Variants in RBFOX2 observed in about 807,000 individuals in gnomAD.
RBFOX2 encodes the protein RNA binding fox-1 homolog 2.
Under a neutral mutation model 49.1 loss-of-function variants are expected in RBFOX2, and 10 were observed. The observed-to-expected ratio is 0.20, with a 90% CI of 0.13 to 0.35. The LOEUF is 0.35. Among genes scored for constraint, RBFOX2 ranks in the 10% least tolerant of loss-of-function variants. The pLI, the probability that RBFOX2 is intolerant of heterozygous loss-of-function variation, is 1.00. For synonymous variants in RBFOX2, 183 were observed against 187.4 expected, an observed-to-expected ratio of 0.98 and a Z score of 0.19; for missense variants, 323 against 486.9, an observed-to-expected ratio of 0.66 and a Z score of 3.17.
chr22:35,753,531 C>A (rs1405066047), intron 9 of RBFOX2, among the ~76,000 whole-genome samples: 1 of 151,556 alleles, frequency 6.6e-6, no homozygotes, highest in Non-Finnish European at 1.5e-5. Context: ...CTATTAATTA[C>A]TTTCATTAAC....
intron 1 of RBFOX2, among the ~76,000 whole-genome samples, chr22:35,869,469 CAAAAAAAAAAAAAAAAAAAAAAAAAA>C (rs35854576): frequency 0.017 from 529 of 30,588 alleles, 5 homozygotes; most frequent in Middle Eastern, 0.065. Flanking sequence ...AACGGCTGAC[CAAAAAAAAAAAAAAAAAAAAAAAAAA>C]AAAAAAAAAA....
At chr22:35,984,156 T>A (rs1023486737) in intron 1 of RBFOX2, among the ~76,000 whole-genome samples, 1 of 152,186 alleles carries the variant, frequency 6.6e-6, no homozygotes, top group Non-Finnish European at 1.5e-5. Flanking sequence ...CCAATGGTTC[T>A]CAACCTTACT....
At chr22:35,860,789 G>A (rs567984794) in intron 1 of RBFOX2, among the ~76,000 whole-genome samples, 2 of 152,294 alleles carry the variant, frequency 1.3e-5, no homozygotes, top group Non-Finnish European at 1.5e-5. Context: ...ATTAACATCC[G>A]AGAGAATTGA....
intron 2 of RBFOX2, among the ~76,000 whole-genome samples, chr22:35,800,702 T>A (rs537921273): frequency 6.6e-6 from 1 of 152,156 alleles, no homozygotes; most frequent in Non-Finnish European, 1.5e-5. Flanking sequence ...TACCTAGTTT[T>A]TTTTTTTTCC....
At chr22:35,859,129 A>G (rs1392328192) in intron 1 of RBFOX2, among the ~76,000 whole-genome samples, 1 of 152,216 alleles carries the variant, frequency 6.6e-6, no homozygotes, top group East Asian at 1.9e-4. Flanking sequence ...GCTTATTCCA[A>G]TATGGCTTGG....
chr22:35,744,978 A>C (rs1042572155), intron 11 of RBFOX2, among the ~76,000 whole-genome samples: 1 of 152,130 alleles, frequency 6.6e-6, no homozygotes, highest in Admixed American at 6.5e-5. Flanking sequence ...ACGAAATACA[A>C]CCTCAGGCAC....
chr22:35,963,861 T>G (rs2056405257), upstream of RBFOX2, among the ~76,000 whole-genome samples: 9 of 152,280 alleles, frequency 5.9e-5, no homozygotes, highest in South Asian at 1.9e-3. Context: ...TTCTCCTGCC[T>G]CAGCCTCCTG....
chr22:35,839,487 G>T (rs1212240099), intron 1 of RBFOX2, among the ~76,000 whole-genome samples: 1 of 152,034 alleles, frequency 6.6e-6, no homozygotes, highest in African/African-American at 2.4e-5. Flanking sequence ...AAACGAGAGG[G>T]GAGACAGAGG....
intron 1 of RBFOX2, among the ~76,000 whole-genome samples, chr22:36,020,731 A>G (rs2059212891): frequency 6.6e-6 from 1 of 152,254 alleles, no homozygotes; most frequent in South Asian, 2.1e-4. Context: ...GCGATCATTA[A>G]AAAGTCAGGA....
intron 1 of RBFOX2, among the ~76,000 whole-genome samples, chr22:35,924,352 A>G (rs1262931780): frequency 6.6e-6 from 1 of 152,246 alleles, no homozygotes; most frequent in African/African-American, 2.4e-5. Flanking sequence ...CAGGCTAAAG[A>G]CACACTAAGG....
intron 9 of RBFOX2, among the ~76,000 whole-genome samples, chr22:35,750,108 C>G (rs947878313): frequency 6.6e-5 from 10 of 152,078 alleles, no homozygotes; most frequent in African/African-American, 2.4e-4. Flanking sequence ...CCCTCCCCAG[C>G]CCAAAGAAAT....
chr22:35,986,067 A>G (rs2057709307), intron 1 of RBFOX2, among the ~76,000 whole-genome samples: 2 of 152,208 alleles, frequency 1.3e-5, no homozygotes, highest in African/African-American at 4.8e-5. Flanking sequence ...AGATTATAAA[A>G]GCAGCCAGTC....
chr22:35,819,392 C>T (rs923865567), intron 1 of RBFOX2, among the ~76,000 whole-genome samples: 2 of 152,102 alleles, frequency 1.3e-5, no homozygotes, highest in Admixed American at 6.6e-5. Context: ...CTCACCTAGG[C>T]TATCTAAATA....
chr22:35,977,761 T>TATATATATATACAC (rs1259422253), intron 1 of RBFOX2, among the ~76,000 whole-genome samples: 5 of 90,936 alleles, frequency 5.5e-5, no homozygotes, highest in African/African-American at 1.6e-4. Context: ...TATATATATA[T>TATATATATATACAC]ACATGCACAC....
chr22:35,810,787 T>G (rs1160185532), intron 1 of RBFOX2, among the ~76,000 whole-genome samples: 1 of 152,180 alleles, frequency 6.6e-6, no homozygotes, highest in Non-Finnish European at 1.5e-5. Context: ...GCACTTATAT[T>G]CTCATGAAAT....
intron 1 of RBFOX2, among the ~76,000 whole-genome samples, chr22:35,930,179 C>T (rs2052210606): frequency 6.6e-6 from 1 of 151,880 alleles, no homozygotes; most frequent in Admixed American, 6.6e-5. Context: ...CGCCACCATG[C>T]CCCACTAATT....
At chr22:35,762,273 G>GC (rs1343862152) in intron 6 of RBFOX2, among the ~76,000 whole-genome samples, 2 of 151,924 alleles carry the variant, frequency 1.3e-5, no homozygotes, top group Admixed American at 1.3e-4. Context: ...TAGGAATATG[G>GC]CAAGTATTTT....
chr22:35,776,056 A>G (rs961512106), intron 4 of RBFOX2, among the ~76,000 whole-genome samples: 2 of 152,156 alleles, frequency 1.3e-5, no homozygotes, highest in Non-Finnish European at 2.9e-5. Context: ...GAATATTTTA[A>G]GTACATACAC....
intron 1 of RBFOX2, among the ~76,000 whole-genome samples, chr22:35,916,534 G>A (rs1020527700): frequency 2.6e-5 from 4 of 152,000 alleles, no homozygotes; most frequent in South Asian, 2.1e-4. Context: ...TGCCTGCCTC[G>A]GCCTCCCAAA....
Sources: gnomAD v4.1 joint callset for allele counts (sites outside exome capture counted in the v4.1 genomes callset) on GRCh38, gnomAD v4.1.1 for gene constraint, MANE v1.5 for transcripts, NCBI Gene and HGNC (gene_info 2026-07-23, HGNC 2026-07-21) for gene names.